The following PLCL2 variants were observed in gnomAD, a reference collection of about 807,000 sequenced individuals.
The protein encoded by PLCL2 is inactive phospholipase C-like protein 2.
PLCL2 carries 4 observed loss-of-function variants against 79.6 expected under a neutral mutation model. That is an observed-to-expected ratio of 0.05 (90% CI 0.02 to 0.11). The LOEUF (loss-of-function observed/expected upper bound fraction) is 0.11. Ranked by LOEUF, PLCL2 falls within the 10% of genes least tolerant of loss-of-function variation. The pLI is 1.00. For missense variants in PLCL2, 895 were observed against 1,291.0 expected (o/e 0.69, Z 4.70); for synonymous variants, 484 against 457.7 (o/e 1.06, Z -0.73).
intron 3 of PLCL2, among the ~76,000 whole-genome samples, chr3:17,030,532 A>G (rs2064569034): frequency 1.3e-5 from 2 of 152,202 alleles, no homozygotes; most frequent in South Asian, 4.1e-4. Flanking sequence ...ATGAAAAGCA[A>G]AAGGTAAGTT....
At chr3:16,896,118 CAATT>C (rs1222055788) in intron 1 of PLCL2, among the ~76,000 whole-genome samples, 1 of 152,184 alleles carries the variant, frequency 6.6e-6, no homozygotes, top group Non-Finnish European at 1.5e-5. Flanking sequence ...TTTATTCAAA[CAATT>C]AAATTGTGAA....
intron 1 of PLCL2, among the ~76,000 whole-genome samples, chr3:16,992,612 T>A (rs766532633): frequency 3.9e-5 from 6 of 152,072 alleles, no homozygotes; most frequent in Admixed American, 2.6e-4. Flanking sequence ...CCTGCAGGGC[T>A]CCCCTTCCTG....
intron 1 of PLCL2, among the ~76,000 whole-genome samples, chr3:16,986,388 G>A (rs769295592): frequency 2.0e-5 from 3 of 151,838 alleles, no homozygotes; most frequent in Admixed American, 6.6e-5. Context: ...TGAAAGGGCC[G>A]CATCCCTAGA....
chr3:16,891,992 A>ACTACAT (rs1453051980), intron 1 of PLCL2, among the ~76,000 whole-genome samples: 1 of 152,368 alleles, frequency 6.6e-6, no homozygotes, highest in East Asian at 1.9e-4. Context: ...CTCTTAGGCA[A>ACTACAT]CTACATCTTT....
At chr3:16,932,681 G>C (rs574374660) in intron 1 of PLCL2, among the ~76,000 whole-genome samples, 1 of 152,170 alleles carries the variant, frequency 6.6e-6, no homozygotes. Context: ...TAGCTGATCA[G>C]TGCTAGAAAA....
At chr3:17,089,614 A>G (rs764676974) in intron 5 of PLCL2, 119 bp from the exon 6 acceptor site, 12 of 685,896 alleles carry the variant, frequency 1.7e-5, no homozygotes, top group Non-Finnish European at 2.7e-5. Flanking sequence ...CCAATAAGAA[A>G]TAATTATGCC....
chr3:16,955,385 A>G (rs2063695029), intron 1 of PLCL2, among the ~76,000 whole-genome samples: 2 of 152,092 alleles, frequency 1.3e-5, no homozygotes, highest in Admixed American at 6.5e-5. Context: ...CCATTGATCT[A>G]TATCTCTGTT....
chr3:16,947,197 A>G (rs947403187), intron 1 of PLCL2, among the ~76,000 whole-genome samples: 1 of 151,454 alleles, frequency 6.6e-6, no homozygotes, highest in Non-Finnish European at 1.5e-5. Context: ...CGATCCTCCT[A>G]CCACAGCCTC....
At chr3:16,909,241 A>G (rs1324395494) in intron 1 of PLCL2, among the ~76,000 whole-genome samples, 5 of 152,234 alleles carry the variant, frequency 3.3e-5, no homozygotes, top group African/African-American at 1.2e-4. Context: ...CTTAAAATGT[A>G]CACTCTCAAT....
chr3:16,980,020 C>T (rs1471966398), intron 1 of PLCL2, among the ~76,000 whole-genome samples: 1 of 144,486 alleles, frequency 6.9e-6, no homozygotes, highest in Non-Finnish European at 1.5e-5. Flanking sequence ...CAGAGGGGCT[C>T]CTCACTTCCC....
At chr3:17,087,846 A>G (rs1320843666) in intron 5 of PLCL2, among the ~76,000 whole-genome samples, 1 of 152,212 alleles carries the variant, frequency 6.6e-6, no homozygotes, top group South Asian at 2.1e-4. Flanking sequence ...TAATATTTGG[A>G]GTTTTAAAAC....
chr3:17,023,410 G>A (rs562868091), intron 3 of PLCL2, among the ~76,000 whole-genome samples: 3 of 152,268 alleles, frequency 2.0e-5, no homozygotes, highest in Admixed American at 1.3e-4. Context: ...CCCGTGTTGT[G>A]GGAGGGACCC....
At chr3:16,996,452 A>G (rs1347001085) in intron 1 of PLCL2, among the ~76,000 whole-genome samples, 1 of 152,152 alleles carries the variant, frequency 6.6e-6, no homozygotes, top group African/African-American at 2.4e-5. Flanking sequence ...GATCTTGATA[A>G]TACTCGTGTT....
At chr3:17,031,821 C>A (rs2064585887) in intron 3 of PLCL2, among the ~76,000 whole-genome samples, 1 of 151,914 alleles carries the variant, frequency 6.6e-6, no homozygotes, top group Admixed American at 6.6e-5. Context: ...AATAAATTAC[C>A]ACATAAACTG....
chr3:17,085,402 C>G (rs2065207548), intron 5 of PLCL2, among the ~76,000 whole-genome samples: 2 of 152,054 alleles, frequency 1.3e-5, no homozygotes, highest in Admixed American at 1.3e-4. Context: ...GCTGGGATTA[C>G]AGGCATGAGC....
At chr3:17,015,471 T>C (rs1021495866) in intron 3 of PLCL2, among the ~76,000 whole-genome samples, 2 of 152,210 alleles carry the variant, frequency 1.3e-5, no homozygotes, top group Non-Finnish European at 2.9e-5. Flanking sequence ...TACTTAAGAT[T>C]TACCTTGCAT....
chr3:17,051,138 G>T (rs1177146194), intron 4 of PLCL2, among the ~76,000 whole-genome samples: 1 of 152,032 alleles, frequency 6.6e-6, no homozygotes, highest in East Asian at 1.9e-4. Context: ...ATGGTTACCC[G>T]AGGCTGGGAA....
intron 5 of PLCL2, among the ~76,000 whole-genome samples, chr3:17,077,839 T>C (rs528521521): frequency 1.2e-4 from 18 of 152,226 alleles, no homozygotes; most frequent in Admixed American, 7.8e-4. Context: ...CTCATGACAA[T>C]AGCAAGCTGT....
chr3:17,009,949 C>T lies in PLCL2; in HGVS notation c.603C>T (p.Asp201=). 4 of 1,614,072 alleles carry T rather than the reference C, an allele frequency of 2.5e-6. No individual in the cohort carries two copies. Among genetic ancestry groups the T allele is most frequent in the Non-Finnish European group, 3.4e-6 (4 of 1,179,964 alleles). ...IKEVRTGKNT[D]IFRSNGISDQ... is the part of the protein sequence containing the mutation. Reference sequence around the variant, plus strand: ...AAGTGAGAACAGGAAAAAACACAGACATATTCCGCAGCAATGGCATTTCTG... The same window carrying T: ...AAGTGAGAACAGGAAAAAACACAGATATATTCCGCAGCAATGGCATTTCTG... The change falls in exon 2 of 6, where the codon GAC becomes GAT. Residue 201 remains aspartate (D), a synonymous_variant. Coordinates refer to ENST00000615277, the MANE Select transcript of PLCL2 (RefSeq NM_001144382.2). The surrounding 1 kb of genome is among the most constrained non-coding windows in gnomAD (Gnocchi z 4.0).
Sources: allele counts gnomAD v4.1 joint callset (sites outside exome capture counted in the v4.1 genomes callset), GRCh38; gene constraint gnomAD v4.1.1; non-coding constraint Gnocchi (gnomAD v3.1); transcripts MANE v1.5; gene names NCBI Gene and HGNC (gene_info 2026-07-23, HGNC 2026-07-21).